Variants in TMEM71 observed in about 807,000 individuals in gnomAD.
TMEM71 encodes transmembrane protein 71.
A neutral mutation model predicts 38.0 loss-of-function variants in TMEM71; 44 were observed. The ratio of observed to expected loss-of-function variants is 1.16; its 90% CI spans 0.91 to 1.49. The LOEUF is 1.49. TMEM71 is among the 40% of genes most tolerant of loss of function. The pLI is 0.00. For missense variants in TMEM71, 367 were observed against 348.6 expected, an observed-to-expected ratio of 1.05 and a Z score of -0.42; for synonymous variants, 133 against 122.5, an observed-to-expected ratio of 1.09 and a Z score of -0.56.
intron 4 of TMEM71, among the ~76,000 whole-genome samples, chr8:132,748,946 G>T (rs1463607064): frequency 2.6e-5 from 4 of 152,220 alleles, no homozygotes; most frequent in Non-Finnish European, 1.5e-5. Flanking sequence ...TGTGAAATGG[G>T]AATGGCAGTA....
chr8:132,728,202 C>G (rs1266229440), intron 5 of TMEM71, among the ~76,000 whole-genome samples: 1 of 152,082 alleles, frequency 6.6e-6, no homozygotes, highest in Non-Finnish European at 1.5e-5. Flanking sequence ...TAAAGACTTT[C>G]CTGAGACTGG....
intron 5 of TMEM71, among the ~76,000 whole-genome samples, chr8:132,731,208 G>T (rs1386194372): frequency 1.3e-5 from 2 of 152,176 alleles, no homozygotes; most frequent in Non-Finnish European, 2.9e-5. Flanking sequence ...AGTTTAGATG[G>T]AGAGAATTGA....
At chr8:132,734,675 A>G (rs1827648061) in intron 5 of TMEM71, among the ~76,000 whole-genome samples, 1 of 152,370 alleles carries the variant, frequency 6.6e-6, no homozygotes, top group East Asian at 1.9e-4. Flanking sequence ...GAGATTTTTC[A>G]TCTCTGAAAA....
At chr8:132,764,234 T>C (rs1829336575), upstream of TMEM71, among the ~76,000 whole-genome samples, 1 of 152,174 alleles carries the variant, frequency 6.6e-6, no homozygotes, top group Admixed American at 6.6e-5. Flanking sequence ...ATAAGCCATA[T>C]AATAATAGCT....
chr8:132,755,101 G>A (rs528911617), intron 3 of TMEM71, among the ~76,000 whole-genome samples: 1 of 152,182 alleles, frequency 6.6e-6, no homozygotes, highest in East Asian at 1.9e-4. Context: ...ATATGGTGCT[G>A]GACGCTTACG....
At chr8:132,753,161 A>G (rs1426406982) in intron 3 of TMEM71, among the ~76,000 whole-genome samples, 1 of 151,974 alleles carries the variant, frequency 6.6e-6, no homozygotes, top group South Asian at 2.1e-4. Flanking sequence ...TATTTTATAC[A>G]TTACTGGAGG....
At chr8:132,749,510 C>T (rs2467976) in intron 4 of TMEM71, among the ~76,000 whole-genome samples, 46,324 of 152,050 alleles carry the variant, frequency 0.3, 7,288 homozygotes, top group Non-Finnish European at 0.33. Flanking sequence ...GTACCATTTA[C>T]GGGCTGGGGA....
intron 5 of TMEM71, among the ~76,000 whole-genome samples, chr8:132,728,991 C>A (rs1827304492): frequency 6.6e-6 from 1 of 152,188 alleles, no homozygotes; most frequent in Non-Finnish European, 1.5e-5. Flanking sequence ...CACATAGCTT[C>A]AAGAACATGC....
intron 5 of TMEM71, among the ~76,000 whole-genome samples, chr8:132,745,758 A>C (rs1828303808): frequency 6.6e-6 from 1 of 151,938 alleles, no homozygotes; most frequent in Admixed American, 6.6e-5. Context: ...ACAAAGACAA[A>C]GAATCAACCT....
rs528505707 is a variant in TMEM71, at chr8:132,746,766, T to C, written c.487+176A>G. Among the ~76,000 whole-genome samples the C allele has an allele frequency of 2.1e-3, 321 of 152,278 alleles. 3 individuals carry two copies. Among genetic ancestry groups the C allele is most frequent in the African/African-American group, 7.2e-3 (298 of 41,556 alleles). On this transcript the variant is annotated intron_variant, in intron 5 of 9. Transcript: ENST00000677595. The stretch of plus-strand genomic sequence containing the variant: ...CTATTTTGCATGACATAGACACATA[T>C]GTGTTTTGATCACACATGTAATATA...
At chr8:132,753,534 C>A (rs1828841869) in intron 3 of TMEM71, among the ~76,000 whole-genome samples, 1 of 152,208 alleles carries the variant, frequency 6.6e-6, no homozygotes, top group East Asian at 1.9e-4. Flanking sequence ...GTATTTCCGA[C>A]AAACATTGTC....
intron 9 of TMEM71, 97 bp from the exon 10 acceptor site, chr8:132,711,079 C>T: frequency 9.2e-7 from 1 of 1,086,004 alleles, no homozygotes; most frequent in South Asian, 1.4e-5. Flanking sequence ...CATATATAAG[C>T]ACACACCCAC....
At chr8:132,713,026 A>G (rs911254397) in intron 9 of TMEM71, among the ~76,000 whole-genome samples, 2 of 151,148 alleles carry the variant, frequency 1.3e-5, no homozygotes, top group African/African-American at 4.9e-5. Context: ...AATTTTGTCT[A>G]TTTTTCGTAG....
At chr8:132,775,415 C>T in the TMEM71 span, 7 of 384,364 alleles carry the variant, frequency 1.8e-5, no homozygotes, top group African/African-American at 1.3e-4. Flanking sequence ...GAGGCGGCGG[C>T]GGCGGCGGCG....
Position 132,751,844 on chromosome 8 carries a change from A to T in TMEM71, c.255T>A (p.Asp85Glu). ...WTEDSFLCDKDGNITLNPSQT... is the reference protein window; with the variant it reads ...WTEDSFLCDKEGNITLNPSQT... ...GGGATGGGTTCAGAGTTATGTTGCC[A>T]TCTTTGTCGCACAGGAAGCTGTCTT... is the stretch of plus-strand genomic sequence containing the variant. The change falls in exon 4 of 10, where the codon GAT (aspartate) becomes GAA (glutamate). Residue 85 changes from aspartate to glutamate, a missense_variant. Asp to Glu is a conservative substitution (Grantham distance 45). Coordinates refer to ENST00000677595, the MANE Select transcript of TMEM71 (RefSeq NM_001382403.1). The T allele has an allele frequency of 6.2e-7, 1 of 1,614,000 alleles. No individual in the cohort carries two copies. Among genetic ancestry groups the T allele is most frequent in the Non-Finnish European group, 8.5e-7 (1 of 1,180,042 alleles).
intron 6 of TMEM71, 94 bp from the exon 7 acceptor site, chr8:132,722,209 CA>C (rs34385955): frequency 0.055 from 33,613 of 614,656 alleles, 2 homozygotes; most frequent in South Asian, 0.084. Context: ...TTGTACCCAC[CA>C]AAAAAAAAAA....
At position 132,757,187 on chromosome 8, in the gene TMEM71, C is replaced by T. The variant is rs768391284; in HGVS notation, c.101+47G>A. 8.2e-6 allele frequency: 12 copies of T among 1,457,478 alleles called. No homozygotes were observed. The South Asian group carries it at 1.1e-4, about 14-fold the overall frequency. 90.3% of individuals were successfully genotyped at this position (1,457,478 alleles called of 1,614,324 possible). A position where few individuals can be genotyped will look rare whatever the true frequency, so the allele number is the denominator to read the frequency against. On this transcript the variant is annotated intron_variant, in intron 3 of 9. Transcript: ENST00000677595. ...CTGGGATTACAGGCATGAGCCACCA[C>T]GCCCGGCCAGAATGATTATTTTTTT...
Position 132,752,013 on chromosome 8 carries a change from T to A in TMEM71, c.102-16A>T. 4 of 1,606,482 alleles carry A rather than the reference T, an allele frequency of 2.5e-6. No individual in the cohort carries two copies. In the South Asian group the frequency reaches 4.4e-5, roughly 18 times the overall value. ...ACAGGTGAAACTAAGAAGGAAAAGA[T>A]AACGCACTTTAAATCTCTATTCAGT... is the stretch of plus-strand genomic sequence containing the variant. On this transcript the variant is annotated splice_polypyrimidine_tract_variant and intron_variant, in intron 3 of 9. Coordinates refer to ENST00000677595, the MANE Select transcript of TMEM71 (RefSeq NM_001382403.1).
At chr8:132,715,361 G>A (rs1430918846) in intron 7 of TMEM71, among the ~76,000 whole-genome samples, 1 of 136,288 alleles carries the variant, frequency 7.3e-6, no homozygotes, top group Non-Finnish European at 1.5e-5. Flanking sequence ...AGTGAGCCGA[G>A]GTCACGCCAC....
Sources: allele counts gnomAD v4.1 joint callset (sites outside exome capture counted in the v4.1 genomes callset), GRCh38; gene constraint gnomAD v4.1.1; transcripts MANE v1.5; gene names NCBI Gene and HGNC (gene_info 2026-07-23, HGNC 2026-07-21).